The following NRG1 variants were observed in gnomAD, a reference collection of about 807,000 sequenced individuals.
The protein encoded by NRG1 is neuregulin 1, also known as pro-neuregulin-1, membrane-bound isoform.
Under a neutral mutation model 63.8 loss-of-function variants are expected in NRG1, and 18 were observed. The observed-to-expected ratio is 0.28, with a 90% CI of 0.19 to 0.42. The LOEUF (loss-of-function observed/expected upper bound fraction) is 0.42, where lower values mean the gene tolerates loss of function less well. Among genes scored for constraint, NRG1 ranks in the 10% least tolerant of loss-of-function variants. The probability of loss-of-function intolerance (pLI) is 1.00; values close to 1 mark genes in which losing one functional copy is unlikely to be tolerated. For synonymous variants in NRG1, 302 were observed against 301.3 expected (o/e 1.00, Z -0.02); for missense variants, 762 against 814.7 (o/e 0.94, Z 0.79).
At chr8:32,339,546 G>T (rs1349241142) in intron 1 of NRG1, among the ~76,000 whole-genome samples, 1 of 152,192 alleles carries the variant, frequency 6.6e-6, no homozygotes, top group Non-Finnish European at 1.5e-5. Flanking sequence ...TACATCTGTT[G>T]CATAGGAATG....
chr8:31,996,725 A>T (rs1384506331), intron 1 of NRG1, among the ~76,000 whole-genome samples: 1 of 152,038 alleles, frequency 6.6e-6, no homozygotes, highest in African/African-American at 2.4e-5. Flanking sequence ...AAAGAAAAGA[A>T]AAGAAAAGAA....
At chr8:32,216,926 G>A (rs1038371197) in intron 1 of NRG1, among the ~76,000 whole-genome samples, 3 of 151,750 alleles carry the variant, frequency 2.0e-5, no homozygotes, top group South Asian at 4.1e-4. Context: ...AAAAATATTC[G>A]GGGAGGGCAG....
chr8:31,946,346 T>G (rs1414203778), intron 1 of NRG1, among the ~76,000 whole-genome samples: 1 of 152,184 alleles, frequency 6.6e-6, no homozygotes, highest in African/African-American at 2.4e-5. Flanking sequence ...AGAGATAGAC[T>G]CAGAATCTCT....
chr8:31,767,867 C>T (rs1439731079), intron 1 of NRG1, among the ~76,000 whole-genome samples: 1 of 136,148 alleles, frequency 7.3e-6, no homozygotes, highest in South Asian at 2.4e-4. Flanking sequence ...AAAAAAAAAA[C>T]TTAAGTAATC....
At chr8:32,363,187 C>T (rs1807460323) in intron 1 of NRG1, among the ~76,000 whole-genome samples, 1 of 152,112 alleles carries the variant, frequency 6.6e-6, no homozygotes, top group Admixed American at 6.6e-5. Flanking sequence ...GAAAAGTGAT[C>T]CCTGGTGATA....
intron 5 of NRG1, among the ~76,000 whole-genome samples, chr8:32,706,104 C>T (rs754143259): frequency 9.9e-5 from 15 of 152,132 alleles, no homozygotes; most frequent in Non-Finnish European, 2.2e-4. Context: ...TAAAAATTAT[C>T]CAAACTCAGG....
intron 1 of NRG1, among the ~76,000 whole-genome samples, chr8:31,721,037 T>G (rs1812861550): frequency 6.6e-6 from 1 of 152,122 alleles, no homozygotes; most frequent in African/African-American, 2.4e-5. Context: ...GACTAGAAAT[T>G]GCAACCAGAC....
intron 1 of NRG1, among the ~76,000 whole-genome samples, chr8:31,672,931 T>C (rs975993159): frequency 2.0e-5 from 3 of 150,368 alleles, no homozygotes; most frequent in African/African-American, 7.3e-5. Flanking sequence ...TGCTTTACAA[T>C]GTATAGGGCT....
At chr8:32,607,990 T>C (rs1845552669) in intron 3 of NRG1, among the ~76,000 whole-genome samples, 2 of 151,904 alleles carry the variant, frequency 1.3e-5, no homozygotes, top group Admixed American at 6.6e-5. Context: ...TCCAACCCCT[T>C]CATTGTATTA....
chr8:32,111,630 A>G (rs1449224795), intron 1 of NRG1, among the ~76,000 whole-genome samples: 1 of 152,138 alleles, frequency 6.6e-6, no homozygotes, highest in African/African-American at 2.4e-5. Flanking sequence ...AATATTTCTC[A>G]AGACTCCCTG....
At chr8:31,808,469 CTCT>C (rs1204033923) in intron 1 of NRG1, among the ~76,000 whole-genome samples, 7 of 151,992 alleles carry the variant, frequency 4.6e-5, no homozygotes, top group African/African-American at 1.7e-4. Context: ...TGTTTGTTAT[CTCT>C]TCATTTTTGA....
intron 1 of NRG1, among the ~76,000 whole-genome samples, chr8:32,318,312 A>G (rs2129476521): frequency 6.6e-6 from 1 of 152,288 alleles, no homozygotes; most frequent in Non-Finnish European, 1.5e-5. Context: ...TAAGTAGTAT[A>G]TATTGTATAT....
At chr8:32,331,665 A>C (rs534134459) in intron 1 of NRG1, among the ~76,000 whole-genome samples, 1 of 152,340 alleles carries the variant, frequency 6.6e-6, no homozygotes, top group South Asian at 2.1e-4. Flanking sequence ...TCACAATGCA[A>C]ATAAATGTTG....
chr8:32,697,239 G>A (rs1167118277), intron 5 of NRG1, among the ~76,000 whole-genome samples: 2 of 152,208 alleles, frequency 1.3e-5, no homozygotes, highest in African/African-American at 4.8e-5. Flanking sequence ...GAAGATAGCC[G>A]TGGGCTAGTC....
intron 5 of NRG1, among the ~76,000 whole-genome samples, chr8:32,715,748 C>A (rs1015653494): frequency 5.9e-5 from 9 of 151,956 alleles, no homozygotes; most frequent in African/African-American, 2.2e-4. Flanking sequence ...AAGTGATTCT[C>A]CTGCCTCAGC....
At chr8:31,840,457 G>C (rs1826093471) in intron 1 of NRG1, among the ~76,000 whole-genome samples, 1 of 147,248 alleles carries the variant, frequency 6.8e-6, no homozygotes. Context: ...ACCCTGCCAA[G>C]TCTGACTGCA....
intron 5 of NRG1, among the ~76,000 whole-genome samples, chr8:32,618,614 T>C (rs1588730659): frequency 6.6e-6 from 1 of 152,284 alleles, no homozygotes; most frequent in East Asian, 1.9e-4. Context: ...CAATGTGCCA[T>C]TTTCACACAT....
intron 1 of NRG1, among the ~76,000 whole-genome samples, chr8:32,083,217 A>G (rs902490706): frequency 2.0e-5 from 3 of 152,252 alleles, no homozygotes; most frequent in African/African-American, 4.8e-5. Context: ...AGTTGAATGA[A>G]TAATACCAGG....
chr8:32,763,881 G>T (rs771695852), exon 12 of NRG1: 1 of 1,613,940 alleles, frequency 6.2e-7, no homozygotes, highest in Non-Finnish European at 8.5e-7. Context: ...TTCCATGGCG[G>T]TCAGCCCCTT....
Sources: allele counts gnomAD v4.1 joint callset (sites outside exome capture counted in the v4.1 genomes callset), GRCh38; gene constraint gnomAD v4.1.1; transcripts MANE v1.5; gene names NCBI Gene and HGNC (gene_info 2026-07-23, HGNC 2026-07-21).